Variants in CNTNAP5 observed in about 807,000 individuals in gnomAD.
The protein encoded by CNTNAP5 is contactin associated protein family member 5, also known as contactin-associated protein-like 5.
In CNTNAP5, 72 loss-of-function variants were observed where a neutral mutation model predicts 150.2. The ratio of observed to expected loss-of-function variants is 0.48; its 90% CI spans 0.40 to 0.58. The LOEUF (loss-of-function observed/expected upper bound fraction) is 0.58, where lower values mean the gene tolerates loss of function less well. Among genes scored for constraint, CNTNAP5 ranks in the 20% least tolerant of loss-of-function variants. CNTNAP5 has a pLI of 0.00. For synonymous variants in CNTNAP5, 672 were observed against 619.8 expected (o/e 1.08, Z -1.25); for missense variants, 1,636 against 1,626.2 (o/e 1.01, Z -0.10).
At chr2:124,317,780 CACAA>C (rs1169513526) in intron 3 of CNTNAP5, among the ~76,000 whole-genome samples, 2 of 152,152 alleles carry the variant, frequency 1.3e-5, no homozygotes, top group East Asian at 1.9e-4. Context: ...TATTCAAATT[CACAA>C]ACAGACACAC....
At chr2:124,282,613 T>C (rs1297464617) in intron 3 of CNTNAP5, among the ~76,000 whole-genome samples, 4 of 147,996 alleles carry the variant, frequency 2.7e-5, no homozygotes. Flanking sequence ...CTTCTTCAGG[T>C]GAAGGACTTT....
At chr2:124,171,739 T>C (rs1302780586) in intron 1 of CNTNAP5, among the ~76,000 whole-genome samples, 1 of 152,142 alleles carries the variant, frequency 6.6e-6, no homozygotes, top group Non-Finnish European at 1.5e-5. Context: ...ACAGAGTAAA[T>C]ACAGACACAC....
intron 1 of CNTNAP5, among the ~76,000 whole-genome samples, chr2:124,091,747 A>C (rs1227613999): frequency 6.6e-6 from 1 of 152,186 alleles, no homozygotes; most frequent in Non-Finnish European, 1.5e-5. Context: ...CTGGACCCTG[A>C]AATAGGTCAG....
Position 124,393,154 on chromosome 2 carries a change from CT to C in CNTNAP5, c.382-24288del, listed in dbSNP as rs1691163443. On this transcript the variant is annotated intron_variant, in intron 3 of 23. Coordinates refer to ENST00000682447, the MANE Select transcript of CNTNAP5 (RefSeq NM_001367498.1). ...GATTTGAATCCCTGCCAATTTACCACTGTAGATTGTAGAGTCATATGTGGAG... is the reference window on the plus strand; with the variant it reads ...GATTTGAATCCCTGCCAATTTACCACGTAGATTGTAGAGTCATATGTGGAG... Among the ~76,000 whole-genome samples the C allele has an allele frequency of 2.6e-5, 4 of 152,290 alleles. No individual in the cohort carries two copies. In the South Asian group the frequency reaches 8.3e-4, roughly 32 times the overall value.
intron 1 of CNTNAP5, among the ~76,000 whole-genome samples, chr2:124,032,694 G>A (rs1681089735): frequency 6.6e-6 from 1 of 151,908 alleles, no homozygotes; most frequent in African/African-American, 2.4e-5. Flanking sequence ...TTTTACATTT[G>A]TAAAATGTAT....
intron 6 of CNTNAP5, among the ~76,000 whole-genome samples, chr2:124,449,993 A>G (rs1294661703): frequency 1.3e-5 from 2 of 152,136 alleles, no homozygotes; most frequent in Admixed American, 1.3e-4. Context: ...TCAGTCATCC[A>G]GAAGCAAGAT....
chr2:124,154,106 A>G (rs1166126190), intron 1 of CNTNAP5, among the ~76,000 whole-genome samples: 1 of 152,074 alleles, frequency 6.6e-6, no homozygotes, highest in East Asian at 1.9e-4. Context: ...TTAACCTCCA[A>G]TGTCCTCTTC....
At chr2:124,492,355 C>A (rs777611011) in intron 7 of CNTNAP5, among the ~76,000 whole-genome samples, 1 of 152,132 alleles carries the variant, frequency 6.6e-6, no homozygotes, top group Non-Finnish European at 1.5e-5. Flanking sequence ...TTCTCAACAC[C>A]ACTGGTTGAA....
intron 19 of CNTNAP5, among the ~76,000 whole-genome samples, chr2:124,818,088 A>G (rs1682403657): frequency 6.6e-6 from 1 of 151,950 alleles, no homozygotes; most frequent in Non-Finnish European, 1.5e-5. Flanking sequence ...AAGATGTGAC[A>G]CTCTATGCTG....
At chr2:124,501,449 G>A (rs1471427049) in intron 7 of CNTNAP5, among the ~76,000 whole-genome samples, 2 of 152,124 alleles carry the variant, frequency 1.3e-5, no homozygotes, top group African/African-American at 4.8e-5. Context: ...AAGATATATA[G>A]GGTAGAATAT....
At chr2:124,313,415 CACTGAACTGTT>C (rs1688883373) in intron 3 of CNTNAP5, among the ~76,000 whole-genome samples, 1 of 152,170 alleles carries the variant, frequency 6.6e-6, no homozygotes, top group South Asian at 2.1e-4. Flanking sequence ...GATCATTTGA[CACTGAACTGTT>C]ACATCAGACC....
chr2:124,671,939 C>T (rs1406178213), intron 13 of CNTNAP5, among the ~76,000 whole-genome samples: 1 of 152,184 alleles, frequency 6.6e-6, no homozygotes, highest in East Asian at 1.9e-4. Context: ...CATACCTCGC[C>T]AAGACTCTTT....
At chr2:124,606,712 G>C (rs1677225953) in intron 11 of CNTNAP5, among the ~76,000 whole-genome samples, 1 of 152,162 alleles carries the variant, frequency 6.6e-6, no homozygotes. Flanking sequence ...GTGGATGGCG[G>C]CAGGCAAAGA....
chr2:124,080,963 C>A (rs1682547252), intron 1 of CNTNAP5, among the ~76,000 whole-genome samples: 1 of 152,112 alleles, frequency 6.6e-6, no homozygotes, highest in Non-Finnish European at 1.5e-5. Flanking sequence ...TTGAAGGATT[C>A]TAGTGATAAG....
At chr2:124,549,824 T>G (rs1695590521) in intron 10 of CNTNAP5, among the ~76,000 whole-genome samples, 1 of 152,272 alleles carries the variant, frequency 6.6e-6, no homozygotes, top group Admixed American at 6.5e-5. Context: ...GTTATTATTT[T>G]AATGTCATGT....
chr2:124,636,421 C>T (rs1677969608), intron 12 of CNTNAP5, among the ~76,000 whole-genome samples: 1 of 152,054 alleles, frequency 6.6e-6, no homozygotes, highest in African/African-American at 2.4e-5. Context: ...TTTCTGGGGA[C>T]ATGGTGATAA....
intron 10 of CNTNAP5, among the ~76,000 whole-genome samples, chr2:124,559,824 GTCT>G (rs1336110793): frequency 6.6e-6 from 1 of 152,130 alleles, no homozygotes; most frequent in Non-Finnish European, 1.5e-5. Context: ...TATCTCAAGC[GTCT>G]TCTTTACAGA....
chr2:124,380,047 T>C (rs1037967470), intron 3 of CNTNAP5, among the ~76,000 whole-genome samples: 2 of 152,154 alleles, frequency 1.3e-5, no homozygotes, highest in African/African-American at 4.8e-5. Flanking sequence ...CTAAACACAG[T>C]TTATTTGCAT....
intron 13 of CNTNAP5, among the ~76,000 whole-genome samples, chr2:124,703,701 G>T (rs1305485581): frequency 2.0e-5 from 3 of 152,166 alleles, no homozygotes; most frequent in Non-Finnish European, 2.9e-5. Flanking sequence ...GCAAAGGGAG[G>T]CTTTAAGACA....
Sources: gnomAD v4.1 joint callset for allele counts (sites outside exome capture counted in the v4.1 genomes callset) on GRCh38, gnomAD v4.1.1 for gene constraint, MANE v1.5 for transcripts, NCBI Gene and HGNC (gene_info 2026-07-23, HGNC 2026-07-21) for gene names.